GABRG3: variants seen among roughly 807,000 people sequenced by gnomAD.
GABRG3 encodes gamma-aminobutyric acid receptor subunit gamma-3.
GABRG3 carries 25 observed loss-of-function variants against 48.8 expected under a neutral mutation model. The ratio of observed to expected loss-of-function variants is 0.51; its 90% CI spans 0.37 to 0.72. GABRG3 has a LOEUF of 0.72. GABRG3 is among the 30% of genes least tolerant of loss of function. The pLI is 0.00. For synonymous variants in GABRG3, 227 were observed against 217.6 expected (o/e 1.04, Z -0.38); for missense variants, 394 against 577.9 (o/e 0.68, Z 3.26).
At chr15:27,351,250 TTGTG>T (rs370483038) in intron 5 of GABRG3, among the ~76,000 whole-genome samples, 36 of 139,064 alleles carry the variant, frequency 2.6e-4, no homozygotes, top group African/African-American at 8.6e-4. Flanking sequence ...TGTATGGTGT[TTGTG>T]TGTATGGTGT....
intron 3 of GABRG3, among the ~76,000 whole-genome samples, chr15:27,088,384 G>A (rs1897123989): frequency 6.6e-6 from 1 of 152,080 alleles, no homozygotes; most frequent in African/African-American, 2.4e-5. Context: ...TATTCAGAGG[G>A]CAGGCGCTCG....
At chr15:27,370,855 G>GGCAAAAC (rs1415492550) in intron 5 of GABRG3, among the ~76,000 whole-genome samples, 1 of 152,140 alleles carries the variant, frequency 6.6e-6, no homozygotes, top group Admixed American at 6.5e-5. Flanking sequence ...TTCCAGCAGT[G>GGCAAAAC]GCAAAACACG....
chr15:27,222,788 C>T (rs1889494152), intron 3 of GABRG3, among the ~76,000 whole-genome samples: 1 of 152,166 alleles, frequency 6.6e-6, no homozygotes, highest in Non-Finnish European at 1.5e-5. Flanking sequence ...TGCAGTGTTC[C>T]CGGGAGACCA....
intron 2 of GABRG3, among the ~76,000 whole-genome samples, chr15:26,991,641 T>A (rs1378513249): frequency 6.6e-6 from 1 of 152,208 alleles, no homozygotes; most frequent in Non-Finnish European, 1.5e-5. Context: ...ATCTTTCACA[T>A]CTTTGGTTAA....
intron 5 of GABRG3, among the ~76,000 whole-genome samples, chr15:27,452,627 G>A (rs1367123121): frequency 2.0e-5 from 3 of 152,198 alleles, no homozygotes; most frequent in Admixed American, 6.5e-5. Flanking sequence ...GGAAGTAAGT[G>A]GATCATCATA....
At chr15:27,130,450 T>C (rs1897896967) in intron 3 of GABRG3, among the ~76,000 whole-genome samples, 1 of 152,124 alleles carries the variant, frequency 6.6e-6, no homozygotes, top group African/African-American at 2.4e-5. Flanking sequence ...ACTGTAACTT[T>C]GTAGTAAGTT....
At chr15:27,176,028 GAA>G (rs11415524) in intron 3 of GABRG3, among the ~76,000 whole-genome samples, 12 of 135,424 alleles carry the variant, frequency 8.9e-5, no homozygotes, top group African/African-American at 1.1e-4. Flanking sequence ...AGTATGCTGG[GAA>G]AAAAAAAAAA....
intron 3 of GABRG3, among the ~76,000 whole-genome samples, chr15:27,304,441 A>G (rs948466191): frequency 2.0e-5 from 3 of 151,910 alleles, no homozygotes; most frequent in African/African-American, 7.2e-5. Context: ...TATAGTTGTG[A>G]AGGTCATAAG....
chr15:27,137,137 C>T (rs1189181166), intron 3 of GABRG3, among the ~76,000 whole-genome samples: 3 of 152,218 alleles, frequency 2.0e-5, no homozygotes. Flanking sequence ...TGCTTGCCGT[C>T]CTCAAGATGC....
At chr15:27,245,798 G>A (rs529602424) in intron 3 of GABRG3, among the ~76,000 whole-genome samples, 152 of 152,284 alleles carry the variant, frequency 1.0e-3, no homozygotes, top group African/African-American at 3.6e-3. Flanking sequence ...GCTTGAACCT[G>A]GGAGGCGGAG....
chr15:27,074,037 A>G (rs904024536), intron 3 of GABRG3, among the ~76,000 whole-genome samples: 1 of 152,232 alleles, frequency 6.6e-6, no homozygotes, highest in African/African-American at 2.4e-5. Flanking sequence ...AGCAAGTCCC[A>G]TCTTACATGG....
At position 26,974,485 on chromosome 15, in the gene GABRG3, C is replaced by G. The variant is rs1894900697; in HGVS notation, c.54-2517C>G. ...ACACAGGGTGGAGGCTGTGGTCTGGCTCTGTAGTGGTGGGGGTAGGAGAGG... is the reference window on the plus strand; with the variant it reads ...ACACAGGGTGGAGGCTGTGGTCTGGGTCTGTAGTGGTGGGGGTAGGAGAGG... On this transcript the variant is annotated intron_variant, in intron 1 of 9. Coordinates refer to ENST00000615808, the MANE Select transcript of GABRG3 (RefSeq NM_033223.5). The surrounding 1 kb of genome is among the most constrained non-coding windows in gnomAD (Gnocchi z 4.3). Among the ~76,000 whole-genome samples, 1 of 151,754 alleles carries G rather than the reference C, an allele frequency of 6.6e-6. No homozygotes were observed. Among genetic ancestry groups the G allele is most frequent in the South Asian group, 2.1e-4 (1 of 4,810 alleles).
chr15:27,414,007 G>T (rs1005414202), intron 5 of GABRG3, among the ~76,000 whole-genome samples: 4 of 152,194 alleles, frequency 2.6e-5, no homozygotes, highest in Non-Finnish European at 5.9e-5. Flanking sequence ...GTTCCTTAGA[G>T]ATGTTAATGC....
intron 5 of GABRG3, among the ~76,000 whole-genome samples, chr15:27,423,276 G>A (rs975965032): frequency 7.8e-5 from 11 of 140,746 alleles, no homozygotes; most frequent in African/African-American, 3.0e-4. Flanking sequence ...CCTCTAGAGA[G>A]CCAAATTCCC....
At chr15:27,465,860 C>T (rs958914626) in intron 5 of GABRG3, among the ~76,000 whole-genome samples, 6 of 151,938 alleles carry the variant, frequency 3.9e-5, no homozygotes, top group Non-Finnish European at 8.8e-5. Flanking sequence ...TGCATGATGC[C>T]TTCTGATATG....
intron 3 of GABRG3, among the ~76,000 whole-genome samples, chr15:27,155,675 C>A (rs1348382775): frequency 2.0e-5 from 3 of 152,186 alleles, no homozygotes; most frequent in African/African-American, 7.2e-5. Flanking sequence ...CCCTTGGAGG[C>A]TGTCTCCTAA....
chr15:27,532,982 T>C lies in GABRG3; in HGVS notation c.*101T>C. 9.3e-7 allele frequency: 1 copy of C among 1,078,392 alleles called. No individual in the cohort carries two copies. Among genetic ancestry groups the C allele is most frequent in the Non-Finnish European group, 1.3e-6 (1 of 753,876 alleles). 66.8% of individuals were successfully genotyped at this position (1,078,392 alleles called of 1,614,324 possible). A position where few individuals can be genotyped will look rare whatever the true frequency, so the allele number is the denominator to read the frequency against. The stretch of plus-strand genomic sequence containing the variant: ...AATCGGGAGTAGCAAGGAAGGACAC[T>C]GCCCAGTGTATCTTGTTATAAATGA... On this transcript the variant is annotated 3_prime_UTR_variant, in exon 10 of 10. Transcript: ENST00000615808.
intron 3 of GABRG3, among the ~76,000 whole-genome samples, chr15:27,030,229 TC>T (rs1269687668): frequency 3.0e-4 from 46 of 152,228 alleles, no homozygotes; most frequent in Admixed American, 3.0e-3. Flanking sequence ...TGGCTTCTTG[TC>T]CAAATAGTCA....
At chr15:27,250,801 G>A (rs925188462) in intron 3 of GABRG3, among the ~76,000 whole-genome samples, 16 of 152,138 alleles carry the variant, frequency 1.1e-4, no homozygotes, top group African/African-American at 2.9e-4. Context: ...CAATTAAGTC[G>A]GAGGTGGGAA....
Sources: allele counts gnomAD v4.1 joint callset (sites outside exome capture counted in the v4.1 genomes callset), GRCh38; gene constraint gnomAD v4.1.1; non-coding constraint Gnocchi (gnomAD v3.1); transcripts MANE v1.5; gene names NCBI Gene and HGNC (gene_info 2026-07-23, HGNC 2026-07-21).